Variants in TOX2 observed in about 807,000 individuals in gnomAD.
TOX2 encodes granulosa cell HMG box 1.
In TOX2, 15 loss-of-function variants were observed where a neutral mutation model predicts 47.4. The ratio of observed to expected loss-of-function variants is 0.32; its 90% CI spans 0.21 to 0.49. The LOEUF (loss-of-function observed/expected upper bound fraction) is 0.49. TOX2 is among the 20% of genes least tolerant of loss of function. TOX2 has a pLI of 0.99. For synonymous variants in TOX2, 290 were observed against 296.6 expected (o/e 0.98, Z 0.23); for missense variants, 622 against 673.1 (o/e 0.92, Z 0.84).
In TOX2 at chr20:43,916,485, G is replaced by T. The variant is rs1292429548; in HGVS notation, c.99+1495G>T. On this transcript the variant is annotated intron_variant, in intron 1 of 8. Coordinates refer to ENST00000341197, the MANE Select transcript of TOX2 (RefSeq NM_001098797.2). This position sits in a 1 kb window ranked among gnomAD's most constrained non-coding sequence, Gnocchi z 5.0. ...GGTGGTGGGCGACAAGTGAGGTCTC[G>T]CGAAGAGTGGCGGTGGTTCTCTTTT... is the stretch of plus-strand genomic sequence containing the variant. 6.6e-6 allele frequency among the ~76,000 whole-genome samples: 1 copy of T among 152,192 alleles called. No homozygotes were observed. Among genetic ancestry groups the T allele is most frequent in the African/African-American group, 2.4e-5 (1 of 41,442 alleles).
At chr20:44,030,846 A>G (rs2071138948) in intron 3 of TOX2, among the ~76,000 whole-genome samples, 1 of 152,260 alleles carries the variant, frequency 6.6e-6, no homozygotes, top group South Asian at 2.1e-4. Context: ...GCTGGGACAA[A>G]CTACTCAAGG....
intron 3 of TOX2, among the ~76,000 whole-genome samples, chr20:44,041,647 C>T (rs1012111640): frequency 9.2e-5 from 14 of 152,142 alleles, no homozygotes; most frequent in African/African-American, 3.1e-4. Context: ...AAAGCATGGA[C>T]TCATGAAAGG....
At chr20:43,923,907 C>T (rs1472689981) in intron 1 of TOX2, among the ~76,000 whole-genome samples, 1 of 152,188 alleles carries the variant, frequency 6.6e-6, no homozygotes, top group Non-Finnish European at 1.5e-5. Flanking sequence ...CGCCATCCCA[C>T]AGGGAGCTGT....
At chr20:43,972,398 C>G (rs2069989922) in intron 1 of TOX2, among the ~76,000 whole-genome samples, 1 of 152,226 alleles carries the variant, frequency 6.6e-6, no homozygotes, top group Admixed American at 6.5e-5. Flanking sequence ...GTCCGGCTTG[C>G]CTCCCACACT....
intron 1 of TOX2, among the ~76,000 whole-genome samples, chr20:43,963,890 A>T (rs902898146): frequency 3.9e-5 from 6 of 152,174 alleles, no homozygotes; most frequent in African/African-American, 1.4e-4. Flanking sequence ...AGCCCCACTC[A>T]GTTTCTTCAT....
At chr20:43,990,536 A>G (rs553924014) in intron 2 of TOX2, among the ~76,000 whole-genome samples, 15 of 152,290 alleles carry the variant, frequency 9.8e-5, no homozygotes, top group East Asian at 5.8e-4. Flanking sequence ...AGTCCTCTCA[A>G]TGTCACCTGG....
intron 2 of TOX2, among the ~76,000 whole-genome samples, chr20:43,996,817 C>T (rs1338606612): frequency 6.6e-6 from 1 of 152,096 alleles, no homozygotes; most frequent in Admixed American, 6.6e-5. Flanking sequence ...GTAAGATTCC[C>T]CATGTCAGTG....
rs1365973214 is a variant in TOX2 at position 44,033,821 on chromosome 20, C to T, written c.412-17485C>T. ...AGGAGGTGCATGTGCTGTTCTTGCTCCTGCAACGGAAGGAATTTTTATTAA... is the reference window on the plus strand; with the variant it reads ...AGGAGGTGCATGTGCTGTTCTTGCTTCTGCAACGGAAGGAATTTTTATTAA... On this transcript the variant is annotated intron_variant, in intron 3 of 8. Transcript: ENST00000341197. Among the ~76,000 whole-genome samples the T allele has an allele frequency of 2.0e-5, 3 of 152,192 alleles. No individual in the cohort carries two copies. In the East Asian group the frequency reaches 5.8e-4, roughly 29 times the overall value.
At chr20:43,936,679 G>T (rs902691081) in intron 1 of TOX2, among the ~76,000 whole-genome samples, 4 of 152,178 alleles carry the variant, frequency 2.6e-5, no homozygotes, top group Admixed American at 2.6e-4. Flanking sequence ...GGGCTCCCAG[G>T]CTCCCTGGTG....
intron 2 of TOX2, 75 bp downstream of exon 2, chr20:43,973,507 G>T: frequency 7.1e-7 from 1 of 1,416,276 alleles, no homozygotes. Flanking sequence ...CTGGGTGGAG[G>T]TAGGGGGTGC....
chr20:44,012,081 G>A (rs982549461), intron 3 of TOX2, among the ~76,000 whole-genome samples: 8 of 152,224 alleles, frequency 5.3e-5, no homozygotes, highest in Admixed American at 3.9e-4. Flanking sequence ...CTGCACCTCT[G>A]TCTGACCCTG....
At chr20:43,923,128 C>T (rs1235042378) in intron 1 of TOX2, among the ~76,000 whole-genome samples, 2 of 152,048 alleles carry the variant, frequency 1.3e-5, no homozygotes, top group Non-Finnish European at 2.9e-5. Context: ...TTTGGGGATA[C>T]TGTCAGCCTA....
intron 3 of TOX2, among the ~76,000 whole-genome samples, chr20:44,045,468 T>C (rs1028381864): frequency 1.3e-5 from 2 of 152,212 alleles, no homozygotes; most frequent in Non-Finnish European, 2.9e-5. Context: ...TTGAAGTCTT[T>C]TGCAGTTTTC....
chr20:44,063,219 T>A (rs528956189), intron 5 of TOX2, among the ~76,000 whole-genome samples: 4 of 151,532 alleles, frequency 2.6e-5, no homozygotes, highest in Non-Finnish European at 5.9e-5. Context: ...TGGGAGAAAA[T>A]CTTCACAATC....
rs772688871 is a variant in TOX2 at position 44,051,474 on chromosome 20, C to T, written c.580C>T (p.Pro194Ser). 3 of 1,613,562 alleles carry T rather than the reference C, an allele frequency of 1.9e-6. No individual in the cohort carries two copies. The highest frequency in any genetic ancestry group is 2.5e-6 in the Non-Finnish European group (3 of 1,179,674). ...SSIAHSSPSP[P>S]GSKSATPSPS... Reference sequence around the variant, plus strand: ...CATCGCCCACAGCTCCCCATCACCGCCGGGGAGCAAGTCAGCGACCCCCTC... The same window carrying T: ...CATCGCCCACAGCTCCCCATCACCGTCGGGGAGCAAGTCAGCGACCCCCTC... The change falls in exon 4 of 9, where the codon CCG becomes TCG. Residue 194 changes from proline to serine, a missense_variant. Coordinates refer to ENST00000341197, the MANE Select transcript of TOX2 (RefSeq NM_001098797.2).
At chr20:43,969,220 C>T (rs954469119) in intron 1 of TOX2, among the ~76,000 whole-genome samples, 3 of 152,328 alleles carry the variant, frequency 2.0e-5, no homozygotes, top group East Asian at 3.9e-4. Context: ...GTGAGCTGAA[C>T]GCTGCCGTGT....
At chr20:43,926,575 C>G (rs1313325401) in intron 1 of TOX2, among the ~76,000 whole-genome samples, 1 of 152,178 alleles carries the variant, frequency 6.6e-6, no homozygotes, top group Non-Finnish European at 1.5e-5. Flanking sequence ...TGTAGAACAG[C>G]GAGCATAGAC....
At chr20:44,009,557 G>A (rs1042670806) in intron 3 of TOX2, among the ~76,000 whole-genome samples, 4 of 152,168 alleles carry the variant, frequency 2.6e-5, no homozygotes, top group African/African-American at 7.2e-5. Flanking sequence ...ACCCATTTAT[G>A]CCTGAGGTTG....
chr20:43,949,840 G>A (rs1026937262), intron 1 of TOX2, among the ~76,000 whole-genome samples: 2 of 152,158 alleles, frequency 1.3e-5, no homozygotes, highest in Non-Finnish European at 2.9e-5. Flanking sequence ...TGCTCTGGGA[G>A]GACATCACCC....
Sources: allele counts gnomAD v4.1 joint callset (sites outside exome capture counted in the v4.1 genomes callset), GRCh38; gene constraint gnomAD v4.1.1; non-coding constraint Gnocchi (gnomAD v3.1); transcripts MANE v1.5; gene names NCBI Gene and HGNC (gene_info 2026-07-23, HGNC 2026-07-21).